The following GALNT7 variants were observed in gnomAD, a reference collection of about 807,000 sequenced individuals.
GALNT7 encodes N-acetylgalactosaminyltransferase 7.
A neutral mutation model predicts 82.1 loss-of-function variants in GALNT7; 60 were observed. The observed-to-expected ratio is 0.73, with a 90% CI of 0.59 to 0.91. GALNT7 has a LOEUF of 0.91. Ranked by LOEUF, GALNT7 falls within the 40% of genes least tolerant of loss-of-function variation. GALNT7 has a pLI of 0.00. For missense variants in GALNT7, 660 were observed against 804.2 expected (o/e 0.82, Z 2.17); for synonymous variants, 243 against 275.1 (o/e 0.88, Z 1.15).
chr4:173,213,227 GT>G (rs869149388), intron 1 of GALNT7, among the ~76,000 whole-genome samples: 2 of 70,314 alleles, frequency 2.8e-5, no homozygotes, highest in South Asian at 6.9e-4. Flanking sequence ...CTCCTTTCTA[GT>G]TTTTTTTTCC....
intron 1 of GALNT7, among the ~76,000 whole-genome samples, chr4:173,178,809 AAT>A (rs1732158515): frequency 6.6e-6 from 1 of 152,258 alleles, no homozygotes. Flanking sequence ...CTAGTCTGCG[AAT>A]AGGCTTCTAA....
In GALNT7 at chr4:173,298,112, C is replaced by T. The variant is rs1288088539; in HGVS notation, c.966-3C>T. 6 of 1,613,536 alleles carry T rather than the reference C, an allele frequency of 3.7e-6. No individual in the cohort carries two copies. The highest frequency in any genetic ancestry group is 5.1e-6 in the Non-Finnish European group (6 of 1,179,774). On this transcript the variant is annotated splice_polypyrimidine_tract_variant and splice_region_variant and intron_variant, in intron 5 of 11. Coordinates refer to ENST00000265000, the MANE Select transcript of GALNT7 (RefSeq NM_017423.3). ...GATCTTTGCTGCCATCAACACAATACAGAACCATTTGCACTGTGCCGCTTA... is the reference window on the plus strand; with the variant it reads ...GATCTTTGCTGCCATCAACACAATATAGAACCATTTGCACTGTGCCGCTTA...
rs1737012675 is a variant in GALNT7 at position 173,303,147 on chromosome 4, A to T, written c.1267-849A>T. Among the ~76,000 whole-genome samples, 4 of 152,162 alleles carry T rather than the reference A, an allele frequency of 2.6e-5. No individual in the cohort carries two copies. In the South Asian group the frequency reaches 8.3e-4, roughly 32 times the overall value. ...GAGGCGGAGATTGTAGTGAGCCGAG[A>T]TCGCACCACTGCACTCCAGCCTGGG... On this transcript the variant is annotated intron_variant, in intron 7 of 11. Transcript: ENST00000265000.
intron 6 of GALNT7, 158 bp downstream of exon 6, chr4:173,298,455 C>G (rs1736802416): frequency 5.4e-6 from 3 of 557,726 alleles, no homozygotes; most frequent in Non-Finnish European, 9.3e-6. Flanking sequence ...TCAATCTGCT[C>G]CATTTGCTCC....
chr4:173,227,018 C>T (rs1453861615), intron 1 of GALNT7, among the ~76,000 whole-genome samples: 3 of 152,134 alleles, frequency 2.0e-5, no homozygotes, highest in Non-Finnish European at 2.9e-5. Context: ...AAATGAAATG[C>T]CTTAAAATTA....
In GALNT7 at chr4:173,236,177, G is replaced by C. The variant is rs548122621; in HGVS notation, c.127-11803G>C. 6.6e-5 allele frequency among the ~76,000 whole-genome samples: 10 copies of C among 152,284 alleles called. No individual in the cohort carries two copies. In the East Asian group the frequency reaches 1.9e-3, roughly 29 times the overall value. On this transcript the variant is annotated intron_variant, in intron 1 of 11. Coordinates refer to ENST00000265000, the MANE Select transcript of GALNT7 (RefSeq NM_017423.3). ...TCCTCTAGCTGGGTAGGAGAGAACC[G>C]TGAGGAGTCCAGAGGCCTTTCTAGT...
At chr4:173,217,857 T>C (rs1733519666) in intron 1 of GALNT7, among the ~76,000 whole-genome samples, 1 of 152,228 alleles carries the variant, frequency 6.6e-6, no homozygotes, top group African/African-American at 2.4e-5. Context: ...TAAACTTGCA[T>C]TGCAACCTTG....
intron 2 of GALNT7, among the ~76,000 whole-genome samples, chr4:173,280,340 A>G (rs17059270): frequency 0.059 from 8,977 of 152,320 alleles, 503 homozygotes; most frequent in African/African-American, 0.15. Context: ...ACAAGGTTTT[A>G]TATTAAACTA....
intron 2 of GALNT7, among the ~76,000 whole-genome samples, chr4:173,253,682 A>C (rs1734925673): frequency 2.0e-5 from 3 of 152,308 alleles, no homozygotes; most frequent in Admixed American, 6.5e-5. Context: ...AAGCTCAGTA[A>C]CACAAAGAGG....
At chr4:173,279,835 T>C (rs866819685) in intron 2 of GALNT7, among the ~76,000 whole-genome samples, 2 of 151,962 alleles carry the variant, frequency 1.3e-5, no homozygotes, top group African/African-American at 4.8e-5. Flanking sequence ...GTTAGCCAGG[T>C]GTGGTGGCGC....
Position 173,317,688 on chromosome 4 carries a change from G to A in GALNT7, c.1663G>A (p.Gly555Ser). 1 of 1,613,182 alleles carries A rather than the reference G, an allele frequency of 6.2e-7. No homozygotes were observed. The stretch of plus-strand genomic sequence containing the variant: ...TGATAGCATGGGAAAAACAAATGGA[G>A]GCTTTGTTGAACTAGGACCCTGCCA... ...CIDSMGKTNG[G>S]FVELGPCHRM... The change falls in exon 10 of 12, where the codon GGC (glycine) becomes AGC (serine). Residue 555 changes from glycine to serine, a missense_variant. Gly to Ser is a moderately conservative substitution (Grantham distance 56). Around this residue, in one of 2 missense-constraint regions of GALNT7, gnomAD observed 527 missense variants for 683.5 expected, o/e 0.77. Transcript: ENST00000265000.
intron 1 of GALNT7, among the ~76,000 whole-genome samples, chr4:173,207,140 C>G (rs1733126296): frequency 6.6e-6 from 1 of 152,156 alleles, no homozygotes; most frequent in Admixed American, 6.5e-5. Context: ...TTTTTCATAG[C>G]TGTCTAATTT....
At chr4:173,256,367 C>T (rs1193172475) in intron 2 of GALNT7, among the ~76,000 whole-genome samples, 2 of 152,136 alleles carry the variant, frequency 1.3e-5, no homozygotes, top group Non-Finnish European at 2.9e-5. Context: ...AAACACAAGC[C>T]TATGGGTTTT....
chr4:173,284,614 A>G (rs560836187), intron 2 of GALNT7, among the ~76,000 whole-genome samples: 1 of 152,056 alleles, frequency 6.6e-6, no homozygotes. Context: ...CTGAAGTTTA[A>G]TTTTGGGAAG....
At chr4:173,233,195 C>T (rs1734094841) in intron 1 of GALNT7, among the ~76,000 whole-genome samples, 2 of 152,214 alleles carry the variant, frequency 1.3e-5, no homozygotes, top group Non-Finnish European at 2.9e-5. Flanking sequence ...CTTCAGTCAA[C>T]ATGACAGTGC....
intron 1 of GALNT7, among the ~76,000 whole-genome samples, chr4:173,190,280 G>A (rs1327492101): frequency 6.6e-6 from 1 of 152,200 alleles, no homozygotes; most frequent in Non-Finnish European, 1.5e-5. Context: ...GAAGGGATTT[G>A]CTTCTTCACC....
intron 1 of GALNT7, among the ~76,000 whole-genome samples, chr4:173,173,531 G>C (rs953552109): frequency 2.6e-5 from 4 of 152,168 alleles, no homozygotes; most frequent in African/African-American, 9.7e-5. Context: ...TCCACAGACT[G>C]GGGGAGTTGG....
chr4:173,305,730 C>T (rs1313482132), intron 8 of GALNT7, among the ~76,000 whole-genome samples: 1 of 152,134 alleles, frequency 6.6e-6, no homozygotes, highest in Non-Finnish European at 1.5e-5. Flanking sequence ...TTTCTGGCCT[C>T]TCTGTTCTGT....
chr4:173,203,491 T>C (rs1733003618), intron 1 of GALNT7, among the ~76,000 whole-genome samples: 1 of 152,254 alleles, frequency 6.6e-6, no homozygotes, highest in Non-Finnish European at 1.5e-5. Flanking sequence ...GGACTTATTA[T>C]TGCCATTATG....
Sources: gnomAD v4.1 joint callset for allele counts (sites outside exome capture counted in the v4.1 genomes callset) on GRCh38, gnomAD v4.1.1 for gene constraint, gnomAD v4.1.1 regional missense constraint, MANE v1.5 for transcripts, NCBI Gene and HGNC (gene_info 2026-07-23, HGNC 2026-07-21) for gene names.